NSMAF: variants seen among roughly 807,000 people sequenced by gnomAD.
The protein encoded by NSMAF is protein FAN.
Under a neutral mutation model 134.9 loss-of-function variants are expected in NSMAF, and 90 were observed. The observed-to-expected ratio is 0.67, with a 90% confidence interval of 0.56 to 0.79. The LOEUF is 0.79. Ranked by LOEUF, NSMAF falls within the 30% of genes least tolerant of loss-of-function variation. The pLI, the probability that NSMAF is intolerant of heterozygous loss-of-function variation, is 0.00. For missense variants in NSMAF, 1,010 were observed against 1,119.0 expected (o/e 0.90, Z 1.39); for synonymous variants, 358 against 389.6 (o/e 0.92, Z 0.96).
At chr8:58,585,317 G>GTTATTTTTTTTTTTTTTTTTTTTTTTT (rs1554572269) in intron 30 of NSMAF, among the ~76,000 whole-genome samples, 3 of 144,324 alleles carry the variant, frequency 2.1e-5, no homozygotes, top group African/African-American at 7.7e-5. Flanking sequence ...TTGTTTCTGG[G>GTTATTTTTTTTTTTTTTTTTTTTTTTT]TTTTTTTTTT....
intron 1 of NSMAF, among the ~76,000 whole-genome samples, chr8:58,644,158 T>C (rs1046357899): frequency 1.3e-5 from 2 of 152,190 alleles, no homozygotes; most frequent in African/African-American, 2.4e-5. Context: ...TAAGTTCCAG[T>C]GTGTTGGAGG....
chr8:58,655,666 G>A lies in NSMAF; in HGVS notation c.59+3907C>T, dbSNP rs540692495. On this transcript the variant is annotated intron_variant, in intron 1 of 30. Transcript: ENST00000038176. ...TTAACGCCTGTAATCCCAGCACTTT[G>A]GGAGGCCGAGGCGGGCGGATCACGA... Among the ~76,000 whole-genome samples, 16 of 152,222 alleles carry A rather than the reference G, an allele frequency of 1.1e-4. 1 individual carries two copies. The East Asian group carries it at 3.1e-3, about 30-fold the overall frequency.
At chr8:58,612,281 T>C (rs1806546123) in intron 9 of NSMAF, among the ~76,000 whole-genome samples, 1 of 152,164 alleles carries the variant, frequency 6.6e-6, no homozygotes, top group Non-Finnish European at 1.5e-5. Flanking sequence ...ACTATGCCTA[T>C]GTGACGAAAC....
intron 1 of NSMAF, among the ~76,000 whole-genome samples, chr8:58,655,815 G>A (rs933885301): frequency 6.6e-6 from 1 of 151,782 alleles, no homozygotes; most frequent in Non-Finnish European, 1.5e-5. Flanking sequence ...GCTGAGGCAG[G>A]AGAATGGCGT....
intron 27 of NSMAF, 59 bp downstream of exon 27, chr8:58,587,559 C>A: frequency 6.9e-7 from 1 of 1,453,340 alleles, no homozygotes; most frequent in Non-Finnish European, 9.6e-7. Context: ...AACCTTCTTC[C>A]AGCCGAACCC....
chr8:58,609,074 G>A (rs1261241977), intron 10 of NSMAF, among the ~76,000 whole-genome samples: 2 of 152,106 alleles, frequency 1.3e-5, no homozygotes, highest in Admixed American at 6.5e-5. Flanking sequence ...ATCCTAGCAG[G>A]AGCCCATAAC....
intron 24 of NSMAF, among the ~76,000 whole-genome samples, chr8:58,590,370 G>A (rs1384085074): frequency 1.3e-5 from 2 of 152,210 alleles, no homozygotes; most frequent in East Asian, 3.9e-4. Flanking sequence ...CTCCAGTTGG[G>A]GGCAGACTGG....
rs775679201 is a variant in NSMAF, at chr8:58,623,710, T to G, written c.455A>C (p.Gln152Pro). 32 of 1,613,400 alleles carry G rather than the reference T, an allele frequency of 2.0e-5. No individual in the cohort carries two copies. Among genetic ancestry groups the G allele is most frequent in the Non-Finnish European group, 2.6e-5 (31 of 1,179,530 alleles). Residue 152 changes from glutamine (Q) to proline (P), a missense_variant and splice_region_variant, in exon 7 of 31, where the codon CAG (glutamine) becomes CCG (proline). Coordinates refer to ENST00000038176, the MANE Select transcript of NSMAF (RefSeq NM_003580.4). ...ATTTTCTACCCAGCAAGTGCTTACC[T>G]GAAGCAACGTCTCCACAACATCTTC... ...KVEDVVETLL[Q>P]LHRASCLDKL... is the part of the protein sequence containing the mutation.
intron 23 of NSMAF, among the ~76,000 whole-genome samples, chr8:58,591,449 G>GCAT (rs1806020370): frequency 7.0e-6 from 1 of 142,878 alleles, no homozygotes; most frequent in Non-Finnish European, 1.5e-5. Flanking sequence ...AAAAATCCAA[G>GCAT]CATTTAATTT....
intron 1 of NSMAF, among the ~76,000 whole-genome samples, chr8:58,654,419 G>A (rs1194595379): frequency 2.6e-5 from 4 of 152,092 alleles, no homozygotes; most frequent in Non-Finnish European, 2.9e-5. Context: ...GCATGGTGGC[G>A]CATGCCTGTA....
intron 6 of NSMAF, among the ~76,000 whole-genome samples, chr8:58,629,385 T>C (rs1354194274): frequency 6.7e-6 from 1 of 149,104 alleles, no homozygotes; most frequent in Non-Finnish European, 1.5e-5. Context: ...CAGTTCTTCT[T>C]TATATTTTCT....
chr8:58,619,660 A>C (rs1320836470), intron 9 of NSMAF, among the ~76,000 whole-genome samples: 1 of 152,194 alleles, frequency 6.6e-6, no homozygotes, highest in African/African-American at 2.4e-5. Context: ...ACAGAAAATA[A>C]AATTTTAATA....
intron 1 of NSMAF, among the ~76,000 whole-genome samples, chr8:58,658,611 C>T (rs1171560707): frequency 6.6e-6 from 1 of 152,206 alleles, no homozygotes; most frequent in Non-Finnish European, 1.5e-5. Flanking sequence ...GCTAGCAGCA[C>T]TGGAAGATCT....
chr8:58,598,841 G>T (rs1007660894), intron 19 of NSMAF, among the ~76,000 whole-genome samples: 3 of 27,784 alleles, frequency 1.1e-4, no homozygotes, highest in Non-Finnish European at 3.4e-4. Flanking sequence ...TGGCCAACAT[G>T]GTGAAACCGT....
At position 58,607,818 on chromosome 8, in the gene NSMAF, A is replaced by T. The variant is rs1335640173; in HGVS notation, c.710T>A (p.Leu237His). The part of the protein sequence containing the change: ...GYPKPVVQIT[L>H]QDVRRIYKRR... ...TTTGTAGATGCGGCGGACATCTTGG[A>T]GTGTTATCTGGACCACAGGTTTCTT... is the stretch of plus-strand genomic sequence containing the variant. The change falls in exon 11 of 31, where the codon CTC becomes CAC. Residue 237 changes from leucine to histidine, a missense_variant. Transcript: ENST00000038176. The T allele has an allele frequency of 8.1e-6, 13 of 1,614,008 alleles. No individual in the cohort carries two copies. The highest frequency in any genetic ancestry group is 1.1e-5 in the Non-Finnish European group (13 of 1,179,964).
intron 2 of NSMAF, chr8:58,639,933 G>A (rs1807294919): frequency 2.8e-6 from 1 of 360,620 alleles, no homozygotes; most frequent in Non-Finnish European, 5.5e-6. Context: ...CTCTAAAAGA[G>A]TTTAATTCAA....
Position 58,651,770 on chromosome 8 carries a change from A to G in NSMAF, c.59+7803T>C, listed in dbSNP as rs534713465. 2.6e-5 allele frequency among the ~76,000 whole-genome samples: 4 copies of G among 152,358 alleles called. No homozygotes were observed. In the East Asian group the frequency reaches 7.7e-4, roughly 29 times the overall value. On this transcript the variant is annotated intron_variant, in intron 1 of 30. Coordinates refer to ENST00000038176, the MANE Select transcript of NSMAF (RefSeq NM_003580.4). ...ACTGTTATCTAGCGCAGCGCTTCAC[A>G]AAGGTTAGTGTGCACACAATCAACT...
chr8:58,629,007 T>A (rs181281545), intron 6 of NSMAF, among the ~76,000 whole-genome samples: 75 of 152,330 alleles, frequency 4.9e-4, no homozygotes, highest in African/African-American at 1.6e-3. Flanking sequence ...TTATCATGTG[T>A]CTTGGTAAGG....
intron 6 of NSMAF, among the ~76,000 whole-genome samples, chr8:58,626,200 A>G (rs1806926588): frequency 6.8e-6 from 1 of 147,092 alleles, no homozygotes; most frequent in Non-Finnish European, 1.5e-5. Context: ...CTGGGTTCAC[A>G]CCATTCTCCT....
Sources: allele counts gnomAD v4.1 joint callset (sites outside exome capture counted in the v4.1 genomes callset), GRCh38; gene constraint gnomAD v4.1.1; transcripts MANE v1.5; gene names NCBI Gene and HGNC (gene_info 2026-07-23, HGNC 2026-07-21).